RAB10: variants seen among roughly 807,000 people sequenced by gnomAD.
The protein encoded by RAB10 is ras-related protein Rab-10.
A neutral mutation model predicts 25.7 loss-of-function variants in RAB10; 5 were observed. That is an observed-to-expected ratio of 0.19 (90% CI 0.10 to 0.41). RAB10 has a LOEUF of 0.41. Ranked by LOEUF, RAB10 falls within the 10% of genes least tolerant of loss-of-function variation. The pLI is 1.00. For missense variants in RAB10, 103 were observed against 245.8 expected (o/e 0.42, Z 3.89); for synonymous variants, 89 against 86.4 (o/e 1.03, Z -0.16).
At chr2:26,122,096 A>G (rs1044290678) in intron 3 of RAB10, among the ~76,000 whole-genome samples, 1 of 152,222 alleles carries the variant, frequency 6.6e-6, no homozygotes, top group African/African-American at 2.4e-5. Flanking sequence ...AAGTCATGAC[A>G]TTACAAGAAA....
intron 3 of RAB10, among the ~76,000 whole-genome samples, chr2:26,117,123 G>A (rs908693540): frequency 6.6e-6 from 1 of 152,124 alleles, no homozygotes; most frequent in Non-Finnish European, 1.5e-5. Context: ...GGACAAATAC[G>A]TTAAATAGGT....
intron 1 of RAB10, among the ~76,000 whole-genome samples, chr2:26,045,872 A>T (rs930590207): frequency 4.0e-5 from 6 of 151,638 alleles, no homozygotes; most frequent in African/African-American, 1.5e-4. Flanking sequence ...TATTTTATAT[A>T]TAAAAAAAGA....
intron 1 of RAB10, among the ~76,000 whole-genome samples, chr2:26,038,521 AG>A (rs550751369): frequency 3.3e-5 from 5 of 152,168 alleles, no homozygotes; most frequent in Admixed American, 3.3e-4. Flanking sequence ...TCATACTTTC[AG>A]GTAAAAATGT....
intron 1 of RAB10, among the ~76,000 whole-genome samples, chr2:26,088,134 G>A (rs1230318341): frequency 6.6e-6 from 1 of 152,174 alleles, no homozygotes; most frequent in Non-Finnish European, 1.5e-5. Flanking sequence ...TGATGGTTTG[G>A]TTATTTGGTT....
At chr2:26,107,878 G>A (rs976311824) in intron 2 of RAB10, among the ~76,000 whole-genome samples, 1 of 149,802 alleles carries the variant, frequency 6.7e-6, no homozygotes, top group Non-Finnish European at 1.5e-5. Context: ...TCACCAAAGA[G>A]GACATGTGGA....
chr2:26,040,042 A>G (rs779706474), intron 1 of RAB10, among the ~76,000 whole-genome samples: 8 of 152,210 alleles, frequency 5.3e-5, no homozygotes, highest in Non-Finnish European at 1.2e-4. Flanking sequence ...ACTGGATGGT[A>G]TGTGTCTAAA....
rs959564107 is a variant in RAB10 at position 26,135,854 on chromosome 2, G to A, written c.*833G>A. On this transcript the variant is annotated 3_prime_UTR_variant, in exon 6 of 6. Transcript: ENST00000264710. ...TCATGGTATATTTAAGAGTGAAAGG[G>A]ACAAACTAGTAGGTTTGTCAAGTTT... 6.6e-6 allele frequency: 1 copy of A among 152,538 alleles called. No homozygotes were observed. The highest frequency in any genetic ancestry group is 1.5e-5 in the Non-Finnish European group (1 of 68,032). The allele number at this position is 152,538 out of a possible 1,614,324, so 9.4% of individuals were successfully genotyped here. A position where few individuals can be genotyped will look rare whatever the true frequency, so the allele number is the denominator to read the frequency against.
At chr2:26,067,690 A>G (rs560040019) in intron 1 of RAB10, among the ~76,000 whole-genome samples, 29 of 152,384 alleles carry the variant, frequency 1.9e-4, no homozygotes, top group African/African-American at 6.3e-4. Context: ...ACCACTAGTC[A>G]TCTTGTTAGA....
Position 26,036,983 on chromosome 2 carries a change from C to T in RAB10, c.127+2248C>T, listed in dbSNP as rs371157514. On this transcript the variant is annotated intron_variant, in intron 1 of 5. Coordinates refer to ENST00000264710, the MANE Select transcript of RAB10 (RefSeq NM_016131.5). ...TGTATTTTTAGTAGAGATGGTTTCA[C>T]CATGTTGGTCAGGCTGGTCTTGACC... Among the ~76,000 whole-genome samples, 9 of 152,048 alleles carry T rather than the reference C, an allele frequency of 5.9e-5. No individual in the cohort carries two copies. The South Asian group carries it at 1.5e-3, about 25-fold the overall frequency.
intron 1 of RAB10, among the ~76,000 whole-genome samples, chr2:26,037,388 C>T (rs1035138278): frequency 2.0e-5 from 3 of 152,042 alleles, no homozygotes; most frequent in African/African-American, 2.4e-5. Flanking sequence ...CCTGTAATCC[C>T]AGCTCTTTGG....
chr2:26,117,450 AAAAT>A (rs1200782498), intron 3 of RAB10, among the ~76,000 whole-genome samples: 1 of 151,960 alleles, frequency 6.6e-6, no homozygotes, highest in African/African-American at 2.4e-5. Context: ...CGTCTCTACT[AAAAT>A]AAGAAAAAAA....
At chr2:26,130,473 T>G in intron 5 of RAB10, among the ~76,000 whole-genome samples, 1 of 151,254 alleles carries the variant, frequency 6.6e-6, no homozygotes, top group Admixed American at 6.6e-5. Context: ...TGGCTTGGTC[T>G]CTCTCTTTTT....
chr2:26,107,513 A>G (rs1364467542), intron 2 of RAB10, among the ~76,000 whole-genome samples: 4 of 151,998 alleles, frequency 2.6e-5, no homozygotes, highest in African/African-American at 9.7e-5. Flanking sequence ...CTGACAATCC[A>G]GGCCAGCCAC....
At chr2:26,104,426 C>A (rs922329852) in intron 2 of RAB10, among the ~76,000 whole-genome samples, 4 of 152,070 alleles carry the variant, frequency 2.6e-5, no homozygotes, top group Admixed American at 2.6e-4. Flanking sequence ...TAAGTTTGGT[C>A]ATTTGTCCTT....
chr2:26,094,714 A>G (rs1667175409), intron 1 of RAB10, among the ~76,000 whole-genome samples: 1 of 152,002 alleles, frequency 6.6e-6, no homozygotes, highest in African/African-American at 2.4e-5. Context: ...ACGTGCCACC[A>G]TGCCTGGCTA....
At chr2:26,063,523 A>G (rs981184097) in intron 1 of RAB10, among the ~76,000 whole-genome samples, 6 of 152,234 alleles carry the variant, frequency 3.9e-5, no homozygotes, top group African/African-American at 1.4e-4. Flanking sequence ...TACCTCTTCA[A>G]AACAAGAACA....
intron 1 of RAB10, among the ~76,000 whole-genome samples, chr2:26,036,128 G>A (rs569797934): frequency 6.6e-6 from 1 of 152,266 alleles, no homozygotes; most frequent in African/African-American, 2.4e-5. Context: ...TCCACTTTTA[G>A]CTGTAGCTGG....
chr2:26,067,924 T>C (rs1312232354), intron 1 of RAB10, among the ~76,000 whole-genome samples: 5 of 152,358 alleles, frequency 3.3e-5, no homozygotes, highest in African/African-American at 1.2e-4. Context: ...AACAGACTTA[T>C]GGTCACCATA....
At chr2:26,051,823 T>A (rs533996700) in intron 1 of RAB10, among the ~76,000 whole-genome samples, 2 of 150,516 alleles carry the variant, frequency 1.3e-5, no homozygotes, top group African/African-American at 2.5e-5. Context: ...TTTGGGAGGC[T>A]GAGGCAGGCG....
Sources: gnomAD v4.1 joint callset for allele counts (sites outside exome capture counted in the v4.1 genomes callset) on GRCh38, gnomAD v4.1.1 for gene constraint, MANE v1.5 for transcripts, NCBI Gene and HGNC (gene_info 2026-07-23, HGNC 2026-07-21) for gene names.